FRMPD4: variants seen among roughly 807,000 people sequenced by gnomAD.
FRMPD4 encodes FERM and PDZ domain containing 4, also known as FERM and PDZ domain-containing protein 4.
Under a neutral mutation model 94.1 loss-of-function variants are expected in FRMPD4, and 22 were observed. The ratio of observed to expected loss-of-function variants is 0.23; its 90% CI spans 0.17 to 0.33. The LOEUF is 0.33. Among genes scored for constraint, FRMPD4 ranks in the 10% least tolerant of loss-of-function variants. The pLI is 1.00. For missense variants in FRMPD4, 1,111 were observed against 1,339.9 expected (o/e 0.83, Z 2.67); for synonymous variants, 631 against 548.6 (o/e 1.15, Z -2.10).
chrX:12,397,911 A>G (rs1266576193), intron 1 of FRMPD4, among the ~76,000 whole-genome samples: 1 of 111,575 alleles, frequency 9.0e-6, no homozygotes. Context: ...CAGGAACTAG[A>G]GCAACACCAA....
intron 4 of FRMPD4, among the ~76,000 whole-genome samples, chrX:12,615,514 G>A (rs1308887057): frequency 3.6e-5 from 4 of 111,893 alleles, no homozygotes; most frequent in African/African-American, 1.3e-4. Flanking sequence ...CCCTTTAGAA[G>A]CCCACTGGAG....
At chrX:12,569,543 AAAATT>A (rs912100137) in intron 2 of FRMPD4, among the ~76,000 whole-genome samples, 1 of 84,895 alleles carries the variant, frequency 1.2e-5, no homozygotes, top group African/African-American at 4.4e-5. Flanking sequence ...AAGTCAGTAA[AAAATT>A]AACTTGGAAA....
At chrX:12,135,348 A>G (rs2055587438), upstream of FRMPD4, among the ~76,000 whole-genome samples, 1 of 110,310 alleles carries the variant, frequency 9.1e-6, no homozygotes, top group Non-Finnish European at 1.9e-5. Flanking sequence ...GAGCTGAGAG[A>G]CCAACTACTC....
chrX:12,428,915 A>C (rs1158420834), intron 1 of FRMPD4, among the ~76,000 whole-genome samples: 1 of 111,867 alleles, frequency 8.9e-6, no homozygotes, highest in Non-Finnish European at 1.9e-5. Flanking sequence ...CAGGAAAAAA[A>C]CTAGTTGCAT....
At chrX:12,694,217 A>G in intron 8 of FRMPD4, 118 bp from the exon 9 acceptor site, 2 of 536,866 alleles carry the variant, frequency 3.7e-6, no homozygotes, top group South Asian at 6.8e-5. Context: ...TATAAATACT[A>G]AAAGAATATC....
intron 3 of FRMPD4, among the ~76,000 whole-genome samples, chrX:12,104,434 A>G (rs1342369483): frequency 1.8e-5 from 2 of 112,370 alleles, no homozygotes; most frequent in Non-Finnish European, 3.8e-5. Context: ...TTCATTGAAT[A>G]GGAAACTTCC....
chrX:11,993,100 C>A (rs777418994), intron 3 of FRMPD4, among the ~76,000 whole-genome samples: 3 of 109,537 alleles, frequency 2.7e-5, no homozygotes, highest in East Asian at 2.9e-4. Context: ...TACCAAACAC[C>A]TTTTTAACTG....
intron 2 of FRMPD4, among the ~76,000 whole-genome samples, chrX:12,499,995 G>GGTTTTTTTGTTTC (rs941167985): frequency 3.6e-5 from 4 of 111,654 alleles, no homozygotes; most frequent in Non-Finnish European, 7.5e-5. Flanking sequence ...GCTGCAGAGT[G>GGTTTTTTTGTTTC]GTTTTTTTGT....
chrX:12,522,463 A>G (rs1384289480), intron 2 of FRMPD4, among the ~76,000 whole-genome samples: 2 of 111,916 alleles, frequency 1.8e-5, no homozygotes, highest in African/African-American at 6.5e-5. Context: ...ACACTAATGC[A>G]TGTATTGAAT....
intron 2 of FRMPD4, among the ~76,000 whole-genome samples, chrX:11,871,495 C>G (rs1344914495): frequency 8.9e-6 from 1 of 112,784 alleles, no homozygotes; most frequent in Non-Finnish European, 1.9e-5. Context: ...TTTCAGATAA[C>G]AGTAAATAAT....
intron 1 of FRMPD4, among the ~76,000 whole-genome samples, chrX:12,296,255 C>T (rs191134797): frequency 7.6e-4 from 85 of 111,780 alleles, no homozygotes; most frequent in African/African-American, 2.8e-3. Context: ...AAAAAAATCA[C>T]AGAAGGCAAG....
chrX:12,390,468 GCTCTCCAGAA>G (rs978535465), intron 1 of FRMPD4, among the ~76,000 whole-genome samples: 3 of 111,558 alleles, frequency 2.7e-5, no homozygotes, highest in African/African-American at 9.8e-5. Context: ...CATTACTTGT[GCTCTCCAGAA>G]TGCCTGATGT....
chrX:12,344,552 A>G (rs1400218918), intron 1 of FRMPD4, among the ~76,000 whole-genome samples: 1 of 112,198 alleles, frequency 8.9e-6, no homozygotes, highest in Non-Finnish European at 1.9e-5. Flanking sequence ...ATCATTAGGA[A>G]GTCAGAGAGG....
chrX:12,318,640 T>C (rs1375826356), intron 1 of FRMPD4, among the ~76,000 whole-genome samples: 1 of 111,882 alleles, frequency 8.9e-6, no homozygotes, highest in African/African-American at 3.2e-5. Context: ...GAGATGGAGA[T>C]GAAGACGAGT....
At chrX:12,670,781 T>C (rs1444543797) in intron 4 of FRMPD4, among the ~76,000 whole-genome samples, 3 of 111,774 alleles carry the variant, frequency 2.7e-5, no homozygotes, top group Non-Finnish European at 5.6e-5. Flanking sequence ...CAAAAGAAAC[T>C]ACCATCAGAG....
intron 2 of FRMPD4, among the ~76,000 whole-genome samples, chrX:12,547,590 T>C (rs1319677188): frequency 1.8e-5 from 2 of 112,423 alleles, no homozygotes; most frequent in Non-Finnish European, 3.8e-5. Context: ...AGAAATATCA[T>C]GACAAAATGT....
At position 12,238,053 on chromosome X, in the gene FRMPD4, G is replaced by T. The variant is rs375953626; in HGVS notation, c.41+99041G>T. On this transcript the variant is annotated intron_variant, in intron 1 of 16. Coordinates refer to ENST00000675598, the MANE Select transcript of FRMPD4 (RefSeq NM_001368397.1). Reference sequence around the variant, plus strand: ...TGTGATACTACAACAGGGTTGAGTGGTTGCAACAGAGACTTCTTGGCCTCC... The same window carrying T: ...TGTGATACTACAACAGGGTTGAGTGTTTGCAACAGAGACTTCTTGGCCTCC... Among the ~76,000 whole-genome samples the T allele has an allele frequency of 5.4e-5, 6 of 112,139 alleles. No individual in the cohort carries two copies. The East Asian group carries it at 8.4e-4, about 16-fold the overall frequency.
intron 14 of FRMPD4, among the ~76,000 whole-genome samples, chrX:12,710,777 G>T (rs750744933): frequency 9.0e-6 from 1 of 110,508 alleles, no homozygotes; most frequent in African/African-American, 3.3e-5. Context: ...ATAGTGGCAC[G>T]CACCTGTAAT....
chrX:12,543,301 C>A (rs760176002), intron 2 of FRMPD4, among the ~76,000 whole-genome samples: 29 of 111,420 alleles, frequency 2.6e-4, no homozygotes, highest in African/African-American at 8.8e-4. Flanking sequence ...AGTGAACGGG[C>A]AACCTACAGA....
Sources: gnomAD v4.1 joint callset for allele counts (sites outside exome capture counted in the v4.1 genomes callset) on GRCh38, gnomAD v4.1.1 for gene constraint, MANE v1.5 for transcripts, NCBI Gene and HGNC (gene_info 2026-07-23, HGNC 2026-07-21) for gene names.